AGAP1: variants seen among roughly 807,000 people sequenced by gnomAD.
AGAP1 encodes the protein ArfGAP with GTPase domain, ankyrin repeat and PH domain 1.
In AGAP1, 29 loss-of-function variants were observed where a neutral mutation model predicts 105.3. The observed-to-expected ratio is 0.28, with a 90% CI of 0.21 to 0.38. The LOEUF is 0.38. AGAP1 is among the 10% of genes least tolerant of loss of function. AGAP1 has a pLI of 1.00. For synonymous variants in AGAP1, 509 were observed against 485.9 expected (o/e 1.05, Z -0.63); for missense variants, 998 against 1,165.1 (o/e 0.86, Z 2.09).
In AGAP1 at chr2:235,892,129, C is replaced by T. The variant is rs187930729; in HGVS notation, c.1155+8680C>T. ...ACGTGGTGCCACTGCACTCCAGCCT[C>T]GGCAACAGTGAGACTCCCATCTCAA... On this transcript the variant is annotated intron_variant, in intron 10 of 17. Transcript: ENST00000304032. Among the ~76,000 whole-genome samples the T allele has an allele frequency of 1.9e-3, 281 of 151,246 alleles. 1 individual carries two copies. Among genetic ancestry groups the T allele is most frequent in the Middle Eastern group, 0.014 (4 of 290 alleles).
Position 235,973,603 on chromosome 2 carries a change from G to A in AGAP1, c.1645+4980G>A, listed in dbSNP as rs1159247522. 6.6e-6 allele frequency among the ~76,000 whole-genome samples: 1 copy of A among 152,216 alleles called. No homozygotes were observed. The highest frequency in any genetic ancestry group is 1.5e-5 in the Non-Finnish European group (1 of 68,030). ...ATGAGGGCCATGAGGCATGGTGACTGTGACCAGCTGATGGAAGGTTTGCAA... is the reference window on the plus strand; with the variant it reads ...ATGAGGGCCATGAGGCATGGTGACTATGACCAGCTGATGGAAGGTTTGCAA... On this transcript the variant is annotated intron_variant, in intron 13 of 17. Coordinates refer to ENST00000304032, the MANE Select transcript of AGAP1 (RefSeq NM_001037131.3). The surrounding 1 kb of genome is among the most constrained non-coding windows in gnomAD (Gnocchi z 4.7).
chr2:236,043,192 C>T (rs2057607142), intron 15 of AGAP1, among the ~76,000 whole-genome samples: 1 of 152,204 alleles, frequency 6.6e-6, no homozygotes, highest in South Asian at 2.1e-4. Context: ...TAAACACCTC[C>T]ATGGGGCCTT....
Position 235,659,357 on chromosome 2 carries a change from A to G in AGAP1, c.164-49822A>G, listed in dbSNP as rs1559320722. 6.6e-6 allele frequency among the ~76,000 whole-genome samples: 1 copy of G among 152,232 alleles called. No individual in the cohort carries two copies. Among genetic ancestry groups the G allele is most frequent in the East Asian group, 1.9e-4 (1 of 5,202 alleles). On this transcript the variant is annotated intron_variant, in intron 1 of 17. Transcript: ENST00000304032. The surrounding 1 kb of genome is among the most constrained non-coding windows in gnomAD (Gnocchi z 5.0). ...ACTGAATTAACGTCTGAAGTGCCAC[A>G]GTGTTGTATCTGAGTGAGTAGCGTC...
intron 12 of AGAP1, among the ~76,000 whole-genome samples, chr2:235,956,611 G>A (rs1239463727): frequency 6.6e-6 from 1 of 152,258 alleles, no homozygotes; most frequent in East Asian, 1.9e-4. Flanking sequence ...GAGCAGAGGA[G>A]TATGACCTGG....
intron 1 of AGAP1, among the ~76,000 whole-genome samples, chr2:235,597,220 G>A (rs1053412145): frequency 4.6e-5 from 7 of 152,340 alleles, no homozygotes; most frequent in East Asian, 3.9e-4. Flanking sequence ...CTTGTTGCCC[G>A]CCTCCAGGGC....
Position 236,090,734 on chromosome 2 carries a change from T to TTTTTGTTTTGTTTTG in AGAP1, c.2115-29453_2115-29439dup, listed in dbSNP as rs58178600. Among the ~76,000 whole-genome samples the TTTTTGTTTTGTTTTG allele has an allele frequency of 1.3e-5, 2 of 151,804 alleles. No individual in the cohort carries two copies. The highest frequency in any genetic ancestry group is 4.9e-5 in the African/African-American group (2 of 41,196). On this transcript the variant is annotated intron_variant, in intron 16 of 17. Coordinates refer to ENST00000304032, the MANE Select transcript of AGAP1 (RefSeq NM_001037131.3). The surrounding 1 kb of genome is among the most constrained non-coding windows in gnomAD (Gnocchi z 4.3). ...TTGGTGGTGGTTGTGTTTGTTTTGT[T>TTTTTGTTTTGTTTTG]TTTTGTTTTGTTTTGTTTTTTTGAG... is the stretch of plus-strand genomic sequence containing the variant.
intron 1 of AGAP1, among the ~76,000 whole-genome samples, chr2:235,682,437 G>T (rs954504663): frequency 6.6e-6 from 1 of 151,864 alleles, no homozygotes; most frequent in Non-Finnish European, 1.5e-5. Flanking sequence ...CTGCCTCCCG[G>T]GTTCAAGAGA....
chr2:235,768,202 T>G (rs917995061), intron 6 of AGAP1, among the ~76,000 whole-genome samples: 4 of 152,230 alleles, frequency 2.6e-5, no homozygotes, highest in Admixed American at 6.5e-5. Flanking sequence ...CCCTTTATTT[T>G]CTCTCACTAC....
chr2:236,111,122 C>T (rs2059627533), intron 16 of AGAP1, among the ~76,000 whole-genome samples: 1 of 152,144 alleles, frequency 6.6e-6, no homozygotes, highest in African/African-American at 2.4e-5. Context: ...AGGATTTCAG[C>T]AAATGGATTT....
At chr2:236,057,367 C>G (rs189790890) in intron 16 of AGAP1, among the ~76,000 whole-genome samples, 9 of 152,228 alleles carry the variant, frequency 5.9e-5, no homozygotes, top group Non-Finnish European at 8.8e-5. Context: ...CCTTGGCCCC[C>G]CAAAGTGCTG....
At chr2:236,069,118 C>A in intron 16 of AGAP1, among the ~76,000 whole-genome samples, 1 of 149,584 alleles carries the variant, frequency 6.7e-6, no homozygotes, top group African/African-American at 2.5e-5. Flanking sequence ...CAGCGTGAGA[C>A]TCCATCTTAA....
chr2:235,791,342 G>T (rs1956962734), intron 6 of AGAP1, among the ~76,000 whole-genome samples: 1 of 152,186 alleles, frequency 6.6e-6, no homozygotes, highest in Admixed American at 6.5e-5. Context: ...ACAGCCGGTA[G>T]TGGCTTTCAT....
At chr2:235,852,878 A>AT in intron 9 of AGAP1, 1 of 1,352,792 alleles carries the variant, frequency 7.4e-7, no homozygotes, top group East Asian at 3.0e-5. Context: ...ATAGAGGTGA[A>AT]CTCCAGATCG....
At position 235,988,853 on chromosome 2, in the gene AGAP1, T is replaced by G. The variant is rs2055433432; in HGVS notation, c.1645+20230T>G. Among the ~76,000 whole-genome samples, 1 of 152,138 alleles carries G rather than the reference T, an allele frequency of 6.6e-6. No individual in the cohort carries two copies. The highest frequency in any genetic ancestry group is 2.1e-4 in the South Asian group (1 of 4,824). ...GGCGTCACTGTCGCCTCCTTGACTC[T>G]CATCACTCACATGGTCCCCCAGCAG... On this transcript the variant is annotated intron_variant, in intron 13 of 17. Transcript: ENST00000304032. The surrounding 1 kb of genome is among the most constrained non-coding windows in gnomAD (Gnocchi z 4.7).
rs2054083931 is a variant in AGAP1 at position 235,959,339 on chromosome 2, G to A, written c.1484-9123G>A. On this transcript the variant is annotated intron_variant, in intron 12 of 17. Transcript: ENST00000304032. This position sits in a 1 kb window ranked among gnomAD's most constrained non-coding sequence, Gnocchi z 7.3. ...TTGAGGAATACCTTGTCAGGCGAGGGGAGTAGTTGGAATGGAAAAGCACAG... is the reference window on the plus strand; with the variant it reads ...TTGAGGAATACCTTGTCAGGCGAGGAGAGTAGTTGGAATGGAAAAGCACAG... Among the ~76,000 whole-genome samples the A allele has an allele frequency of 6.6e-6, 1 of 152,200 alleles. No homozygotes were observed. The highest frequency in any genetic ancestry group is 1.9e-4 in the East Asian group (1 of 5,188).
chr2:236,010,977 G>A (rs2056490940), intron 13 of AGAP1, among the ~76,000 whole-genome samples: 1 of 152,182 alleles, frequency 6.6e-6, no homozygotes, highest in Admixed American at 6.5e-5. Context: ...AACCTGGGAG[G>A]TGGAGCTTGC....
chr2:235,554,504 T>C (rs988293940), intron 1 of AGAP1, among the ~76,000 whole-genome samples: 4 of 152,194 alleles, frequency 2.6e-5, no homozygotes, highest in Non-Finnish European at 4.4e-5. Context: ...CATGTGGGCC[T>C]GCTGTTCCCA....
At position 236,120,064 on chromosome 2, in the gene AGAP1, C is replaced by T. The variant is rs563693160; in HGVS notation, c.2115-128C>T. ...ACGTTTCCCCCAGGGGGCTTTGTGC[C>T]GAGTGAAGACCTTTGCTTTCTGTTA... On this transcript the variant is annotated intron_variant, in intron 16 of 17. Coordinates refer to ENST00000304032, the MANE Select transcript of AGAP1 (RefSeq NM_001037131.3). The surrounding 1 kb of genome is among the most constrained non-coding windows in gnomAD (Gnocchi z 6.0). 307 of 1,340,872 alleles carry T rather than the reference C, an allele frequency of 2.3e-4. No homozygotes were observed. In the African/African-American group the frequency reaches 3.2e-3, roughly 14 times the overall value. The allele number at this position is 1,340,872 out of a possible 1,614,324, so 83.1% of individuals were successfully genotyped here.
At position 235,807,288 on chromosome 2, in the gene AGAP1, G is replaced by C. The variant is rs143715398; in HGVS notation, c.1007G>C (p.Arg336Pro). 2 of 1,605,360 alleles carry C rather than the reference G, an allele frequency of 1.2e-6. No homozygotes were observed. Among genetic ancestry groups the C allele is most frequent in the Admixed American group, 1.8e-5 (1 of 57,086 alleles). ...AAAGAGAAGAAAGGCCTGGAGAGTC[G>C]TGCGGACAGCATTGGGAGCGGCCGA... ...PDKEKKGLES[R>P]ADSIGSGRAI... is the part of the protein sequence containing the mutation. Residue 336 changes from arginine (R) to proline (P), a missense_variant, in exon 9 of 18, where the codon CGT becomes CCT. Transcript: ENST00000304032.
Sources: allele counts gnomAD v4.1 joint callset (sites outside exome capture counted in the v4.1 genomes callset), GRCh38; gene constraint gnomAD v4.1.1; non-coding constraint Gnocchi (gnomAD v3.1); transcripts MANE v1.5; gene names NCBI Gene and HGNC (gene_info 2026-07-23, HGNC 2026-07-21).